TRHDE: variants seen among roughly 807,000 people sequenced by gnomAD.
TRHDE encodes thyrotropin-releasing hormone-degrading ectoenzyme.
TRHDE carries 72 observed loss-of-function variants against 125.7 expected under a neutral mutation model. The observed-to-expected ratio is 0.57, with a 90% CI of 0.47 to 0.70. The LOEUF is 0.70. Ranked by LOEUF, TRHDE falls within the 30% of genes least tolerant of loss-of-function variation. The pLI, the probability that TRHDE is intolerant of heterozygous loss-of-function variation, is 0.00. For missense variants in TRHDE, 1,110 were observed against 1,327.1 expected, an observed-to-expected ratio of 0.84 and a Z score of 2.54; for synonymous variants, 509 against 509.1, an observed-to-expected ratio of 1.00 and a Z score of 0.00.
chr12:72,112,105 C>T (rs989027329), intron 2 of TRHDE, among the ~76,000 whole-genome samples: 14 of 152,214 alleles, frequency 9.2e-5, no homozygotes, highest in African/African-American at 3.4e-4. Context: ...TCTACCTACC[C>T]TTGCTTTAAT....
At chr12:72,467,802 G>A (rs927315124) in intron 3 of TRHDE, among the ~76,000 whole-genome samples, 8 of 152,166 alleles carry the variant, frequency 5.3e-5, no homozygotes, top group Non-Finnish European at 8.8e-5. Flanking sequence ...GCGACAGAGC[G>A]AGACTCCATC....
chr12:72,255,637 TGTTCCGGGCA>T (rs1330258683), intron 2 of TRHDE: 4 of 152,230 alleles, frequency 2.6e-5, no homozygotes, highest in African/African-American at 7.2e-5. Flanking sequence ...ATCCCCGGGC[TGTTCCGGGCA>T]GTTCCTCTTT....
At chr12:72,646,172 AG>A (rs1385681542) in intron 15 of TRHDE, among the ~76,000 whole-genome samples, 1 of 152,154 alleles carries the variant, frequency 6.6e-6, no homozygotes, top group African/African-American at 2.4e-5. Flanking sequence ...ATATATTAAA[AG>A]GTACACAATA....
chr12:72,605,171 T>C (rs1030398708), intron 12 of TRHDE, among the ~76,000 whole-genome samples: 2 of 152,084 alleles, frequency 1.3e-5, no homozygotes, highest in African/African-American at 4.8e-5. Flanking sequence ...TTATAAACTA[T>C]AAGTTAATGT....
intron 6 of TRHDE, among the ~76,000 whole-genome samples, chr12:72,530,416 C>CTTTTTTTTTTTTTT (rs71438816): frequency 5.8e-5 from 4 of 68,484 alleles, no homozygotes; most frequent in South Asian, 6.4e-4. Context: ...TTCCTAGAAG[C>CTTTTTTTTTTTTTT]TTTTTTTTTT....
intron 7 of TRHDE, among the ~76,000 whole-genome samples, 178 bp from the exon 8 acceptor site, chr12:72,561,986 TA>T (rs2136010419): frequency 6.6e-6 from 1 of 152,232 alleles, no homozygotes; most frequent in South Asian, 2.1e-4. Context: ...ACGACTTAAT[TA>T]GGAAATATTC....
In TRHDE at chr12:72,274,264, T is replaced by G. The variant is rs189847616; in HGVS notation, c.914+707T>G. On this transcript the variant is annotated intron_variant, in intron 1 of 18. Coordinates refer to ENST00000261180, the MANE Select transcript of TRHDE (RefSeq NM_013381.3). ...GGCAGGGCGACTCCGGTTGTTTGTT[T>G]ATGAGTTGCTGCCTCTGGAGATGAT... Among the ~76,000 whole-genome samples, 26 of 152,352 alleles carry G rather than the reference T, an allele frequency of 1.7e-4. No individual in the cohort carries two copies. The East Asian group carries it at 4.4e-3, about 26-fold the overall frequency.
At chr12:72,490,580 C>T (rs765039202) in intron 5 of TRHDE, among the ~76,000 whole-genome samples, 4 of 149,326 alleles carry the variant, frequency 2.7e-5, no homozygotes, top group Non-Finnish European at 5.9e-5. Context: ...AAGTGTTTGT[C>T]GATGAGGAAA....
chr12:72,538,560 C>G (rs944015606), intron 6 of TRHDE, among the ~76,000 whole-genome samples: 1 of 151,948 alleles, frequency 6.6e-6, no homozygotes, highest in East Asian at 1.9e-4. Context: ...CTCTCCCACT[C>G]TAATTCCCAA....
intron 2 of TRHDE, among the ~76,000 whole-genome samples, chr12:72,149,095 AT>A (rs552981458): frequency 8.7e-5 from 13 of 149,678 alleles, no homozygotes; most frequent in South Asian, 2.1e-4. Flanking sequence ...TTCTAACATG[AT>A]TTTTTTTTTC....
At chr12:72,166,699 G>A (rs906911065) in intron 2 of TRHDE, among the ~76,000 whole-genome samples, 7 of 152,126 alleles carry the variant, frequency 4.6e-5, no homozygotes, top group African/African-American at 1.7e-4. Flanking sequence ...TATGACCTGA[G>A]AAAGAAAAAT....
At chr12:72,317,189 G>C (rs1056867748) in intron 2 of TRHDE, among the ~76,000 whole-genome samples, 2 of 152,106 alleles carry the variant, frequency 1.3e-5, no homozygotes, top group Admixed American at 6.6e-5. Context: ...GTGAATTTAG[G>C]CTGCTTCATT....
At chr12:72,363,541 G>T (rs1236297419) in intron 2 of TRHDE, among the ~76,000 whole-genome samples, 2 of 152,042 alleles carry the variant, frequency 1.3e-5, no homozygotes, top group Non-Finnish European at 2.9e-5. Context: ...CTCAATAGAT[G>T]CAGAAAAGGC....
chr12:72,602,386 A>C (rs753501254), intron 12 of TRHDE, among the ~76,000 whole-genome samples: 1 of 152,166 alleles, frequency 6.6e-6, no homozygotes, highest in African/African-American at 2.4e-5. Context: ...AAAATTACAG[A>C]TCCTCTATAA....
intron 2 of TRHDE, among the ~76,000 whole-genome samples, chr12:72,318,657 A>G (rs979678165): frequency 8.5e-5 from 13 of 152,152 alleles, no homozygotes; most frequent in African/African-American, 2.9e-4. Context: ...ATGAATTCAA[A>G]CTGATCCTTT....
At chr12:72,284,271 A>G (rs1013556079) in intron 1 of TRHDE, among the ~76,000 whole-genome samples, 1 of 152,320 alleles carries the variant, frequency 6.6e-6, no homozygotes, top group Admixed American at 6.5e-5. Context: ...CACATAGCAG[A>G]CAATATTCGT....
chr12:72,618,822 C>T, intron 12 of TRHDE, 69 bp from the exon 13 acceptor site: 1 of 1,337,422 alleles, frequency 7.5e-7, no homozygotes, highest in South Asian at 1.9e-5. Flanking sequence ...GCTTTTCCGT[C>T]TTTTATTTGC....
intron 2 of TRHDE, among the ~76,000 whole-genome samples, chr12:72,213,975 G>A (rs1877836219): frequency 6.6e-6 from 1 of 152,012 alleles, no homozygotes; most frequent in Non-Finnish European, 1.5e-5. Flanking sequence ...AATGAAAACA[G>A]CAACAGTCCT....
At chr12:72,579,845 AT>A (rs1433242063) in intron 12 of TRHDE, among the ~76,000 whole-genome samples, 1 of 152,066 alleles carries the variant, frequency 6.6e-6, no homozygotes, top group Non-Finnish European at 1.5e-5. Flanking sequence ...AAAGGTTTTA[AT>A]TTTTGTGGAT....
Sources: allele counts gnomAD v4.1 joint callset (sites outside exome capture counted in the v4.1 genomes callset), GRCh38; gene constraint gnomAD v4.1.1; transcripts MANE v1.5; gene names NCBI Gene and HGNC (gene_info 2026-07-23, HGNC 2026-07-21).